CAMK2B: variants seen among roughly 807,000 people sequenced by gnomAD.
CAMK2B encodes calcium/calmodulin-dependent protein kinase type II subunit beta.
Under a neutral mutation model 93.7 loss-of-function variants are expected in CAMK2B, and 27 were observed. That is an observed-to-expected ratio of 0.29 (90% CI 0.21 to 0.40). CAMK2B has a LOEUF of 0.40. CAMK2B is among the 10% of genes least tolerant of loss of function. The pLI is 1.00. For missense variants in CAMK2B, 568 were observed against 895.8 expected, an observed-to-expected ratio of 0.63 and a Z score of 4.67; for synonymous variants, 374 against 358.8, an observed-to-expected ratio of 1.04 and a Z score of -0.48.
intron 1 of CAMK2B, among the ~76,000 whole-genome samples, chr7:44,295,883 G>A (rs571947286): frequency 6.6e-6 from 1 of 152,240 alleles, no homozygotes; most frequent in South Asian, 2.1e-4. Flanking sequence ...GGAAGAGAGA[G>A]ACTGAGAAGC....
chr7:44,298,248 A>G (rs1340221526), intron 1 of CAMK2B, among the ~76,000 whole-genome samples: 1 of 152,238 alleles, frequency 6.6e-6, no homozygotes, highest in Non-Finnish European at 1.5e-5. Flanking sequence ...TCTCCCATAT[A>G]TTGATTTTCA....
At chr7:44,270,159 T>A (rs1234305396) in intron 2 of CAMK2B, among the ~76,000 whole-genome samples, 1 of 150,294 alleles carries the variant, frequency 6.7e-6, no homozygotes, top group African/African-American at 2.5e-5. Flanking sequence ...GGCCCCCCAC[T>A]AGCACCAGCG....
intron 1 of CAMK2B, among the ~76,000 whole-genome samples, chr7:44,295,838 C>G (rs1329290911): frequency 1.3e-5 from 2 of 152,186 alleles, no homozygotes; most frequent in East Asian, 3.8e-4. Context: ...ACTCCAGCCC[C>G]CTCCAGCCAT....
chr7:44,285,063 G>A (rs1784679301), intron 1 of CAMK2B, among the ~76,000 whole-genome samples: 1 of 152,190 alleles, frequency 6.6e-6, no homozygotes, highest in Non-Finnish European at 1.5e-5. Flanking sequence ...CACAAAGCCT[G>A]GCCTGCAGAG....
Position 44,243,457 on chromosome 7 carries a change from A to G in CAMK2B, c.485T>C (p.Ile162Thr), listed in dbSNP as rs1303270924. 1.9e-6 allele frequency: 3 copies of G among 1,614,010 alleles called. No individual in the cohort carries two copies. The highest frequency in any genetic ancestry group is 8.5e-7 in the Non-Finnish European group (1 of 1,179,982). ...TGCCTGCTGGTCCCCCTGCACCTCGATAGCTAGGCCGAAGTCTGCCAGCTT... is the reference window on the plus strand; with the variant it reads ...TGCCTGCTGGTCCCCCTGCACCTCGGTAGCTAGGCCGAAGTCTGCCAGCTT... ...AVKLADFGLAIEVQGDQQAWF... is the reference protein window; with the variant it reads ...AVKLADFGLATEVQGDQQAWF... The change falls in exon 7 of 24, where the codon ATC becomes ACC. Residue 162 changes from isoleucine to threonine, a missense_variant. Around this residue, in one of 4 missense-constraint regions of CAMK2B, gnomAD observed 105 missense variants for 372.4 expected, o/e 0.28. Coordinates refer to ENST00000395749, the MANE Select transcript of CAMK2B (RefSeq NM_001220.5).
chr7:44,269,866 C>G (rs10281770), intron 2 of CAMK2B, among the ~76,000 whole-genome samples: 28,830 of 152,096 alleles, frequency 0.19, 3,409 homozygotes, highest in Non-Finnish European at 0.27. Flanking sequence ...CCACTGCCAC[C>G]AGGGTCTGAG....
intron 22 of CAMK2B, 25 bp downstream of exon 22, chr7:44,220,591 T>C (rs1426506069): frequency 1.9e-6 from 3 of 1,596,700 alleles, no homozygotes; most frequent in Non-Finnish European, 2.6e-6. Flanking sequence ...CGCCCCCTCA[T>C]GCCCACCCGG....
chr7:44,226,695 C>T (rs1277839238), intron 19 of CAMK2B, 51 bp from the exon 20 acceptor site: 1 of 1,464,768 alleles, frequency 6.8e-7, no homozygotes, highest in Non-Finnish European at 8.9e-7. Context: ...GGGGGGCACG[C>T]AGGAGAGAAA....
Position 44,242,272 on chromosome 7 carries a change from G to A in CAMK2B, c.765C>T (p.Ile255=). ...AKNLINQMLT[I]NPAKRITAHE... ...GGGCTGTGATGCGCTTGGCAGGGTT[G>A]ATGGTCAGCATCTGGTTGATGAGGT... is the stretch of plus-strand genomic sequence containing the variant. Residue 255 remains isoleucine, a synonymous_variant, in exon 10 of 24, where the codon ATC becomes ATT. Coordinates refer to ENST00000395749, the MANE Select transcript of CAMK2B (RefSeq NM_001220.5). 3 of 1,614,116 alleles carry A rather than the reference G, an allele frequency of 1.9e-6. No individual in the cohort carries two copies. The highest frequency in any genetic ancestry group is 2.5e-6 in the Non-Finnish European group (3 of 1,179,948).
At chr7:44,270,588 C>G (rs1007484659) in intron 2 of CAMK2B, among the ~76,000 whole-genome samples, 2 of 152,242 alleles carry the variant, frequency 1.3e-5, no homozygotes, top group Non-Finnish European at 2.9e-5. Flanking sequence ...GGCACGCCAC[C>G]AAGGCCTGGG....
chr7:44,243,963 A>C (rs1420490262), intron 6 of CAMK2B, among the ~76,000 whole-genome samples: 1 of 152,122 alleles, frequency 6.6e-6, no homozygotes, highest in Non-Finnish European at 1.5e-5. Context: ...AGAGGCTGCA[A>C]TGGCCCTCCC....
chr7:44,296,318 T>C lies in CAMK2B; in HGVS notation c.66-12093A>G, dbSNP rs189138975. On this transcript the variant is annotated intron_variant, in intron 1 of 23. Transcript: ENST00000395749. The stretch of plus-strand genomic sequence containing the variant: ...TAACAGAAATAAAGAATGTCTTTGA[T>C]GCAGACTAGACACAGCTAAAAAACC... Among the ~76,000 whole-genome samples, 362 of 152,230 alleles carry C rather than the reference T, an allele frequency of 2.4e-3. 2 individuals are homozygous for C. The highest frequency in any genetic ancestry group is 3.8e-3 in the Non-Finnish European group (260 of 68,022).
chr7:44,249,722 TCA>T (rs1377893454), intron 5 of CAMK2B, among the ~76,000 whole-genome samples: 1 of 152,162 alleles, frequency 6.6e-6, no homozygotes, highest in African/African-American at 2.4e-5. Flanking sequence ...CGCATGCACC[TCA>T]CAGACTACTG....
intron 1 of CAMK2B, among the ~76,000 whole-genome samples, chr7:44,303,293 T>C (rs150681649): frequency 1.6e-4 from 24 of 152,306 alleles, no homozygotes; most frequent in African/African-American, 5.3e-4. Context: ...TGTTCATTAA[T>C]AGGAAGATGC....
At chr7:44,257,131 G>A (rs2096840947) in intron 4 of CAMK2B, among the ~76,000 whole-genome samples, 1 of 152,318 alleles carries the variant, frequency 6.6e-6, no homozygotes, top group East Asian at 1.9e-4. Flanking sequence ...AGCAAGGGGA[G>A]TGGGGATATC....
Position 44,225,797 on chromosome 7 carries a change from C to G in CAMK2B, c.1597+719G>C. The G allele has an allele frequency of 7.8e-7, 1 of 1,289,540 alleles. No homozygotes were observed. Among genetic ancestry groups the G allele is most frequent in the Non-Finnish European group, 1.0e-6 (1 of 988,812 alleles). 79.9% of individuals were successfully genotyped at this position (1,289,540 alleles called of 1,614,324 possible). Reference sequence around the variant, plus strand: ...GCCCTGCCATGCCGAGCCCGTGGCCCAGCAGCCTCTTCTCTAAGAGTATCT... The same window carrying G: ...GCCCTGCCATGCCGAGCCCGTGGCCGAGCAGCCTCTTCTCTAAGAGTATCT... On this transcript the variant is annotated intron_variant, in intron 20 of 23. Coordinates refer to ENST00000395749, the MANE Select transcript of CAMK2B (RefSeq NM_001220.5). The surrounding 1 kb of genome is among the most constrained non-coding windows in gnomAD (Gnocchi z 5.0).
In CAMK2B at chr7:44,286,504, G is replaced by T. The variant is rs1401591313; in HGVS notation, c.66-2279C>A. 6.6e-6 allele frequency among the ~76,000 whole-genome samples: 1 copy of T among 152,232 alleles called. No individual in the cohort carries two copies. The highest frequency in any genetic ancestry group is 2.4e-5 in the African/African-American group (1 of 41,446). On this transcript the variant is annotated intron_variant, in intron 1 of 23. Coordinates refer to ENST00000395749, the MANE Select transcript of CAMK2B (RefSeq NM_001220.5). The surrounding 1 kb of genome is among the most constrained non-coding windows in gnomAD (Gnocchi z 4.0). ...GAGACCCAAGCGCAGCTTCCCACCAGCACAGCAGGCTCCCAGCTGCTGGCC... is the reference window on the plus strand; with the variant it reads ...GAGACCCAAGCGCAGCTTCCCACCATCACAGCAGGCTCCCAGCTGCTGGCC...
At chr7:44,227,882 G>A (rs1583849407) in intron 19 of CAMK2B, among the ~76,000 whole-genome samples, 1 of 138,178 alleles carries the variant, frequency 7.2e-6, no homozygotes, top group African/African-American at 2.7e-5. Flanking sequence ...GGGGGACAGA[G>A]GGGGATGTAG....
At chr7:44,319,052 TATG>T (rs745381726) in intron 1 of CAMK2B, among the ~76,000 whole-genome samples, 1 of 152,352 alleles carries the variant, frequency 6.6e-6, no homozygotes, top group East Asian at 1.9e-4. Flanking sequence ...AATATGCCAA[TATG>T]ATAATTTTTT....
Sources: allele counts gnomAD v4.1 joint callset (sites outside exome capture counted in the v4.1 genomes callset), GRCh38; gene constraint gnomAD v4.1.1; regional missense constraint gnomAD v4.1.1; non-coding constraint Gnocchi (gnomAD v3.1); transcripts MANE v1.5; gene names NCBI Gene and HGNC (gene_info 2026-07-23, HGNC 2026-07-21).